The following KPNA1 variants were observed in gnomAD, a reference collection of about 807,000 sequenced individuals.
The protein encoded by KPNA1 is importin subunit alpha-5.
A neutral mutation model predicts 70.5 loss-of-function variants in KPNA1; 10 were observed. The observed-to-expected ratio is 0.14, with a 90% CI of 0.09 to 0.24. The LOEUF is 0.24. Among genes scored for constraint, KPNA1 ranks in the 10% least tolerant of loss-of-function variants. KPNA1 has a pLI of 1.00. For missense variants in KPNA1, 397 were observed against 637.9 expected (o/e 0.62, Z 4.07); for synonymous variants, 192 against 221.9 (o/e 0.87, Z 1.20).
chr3:122,477,293 G>C (rs1384171136), intron 2 of KPNA1, among the ~76,000 whole-genome samples: 1 of 152,194 alleles, frequency 6.6e-6, no homozygotes, highest in Non-Finnish European at 1.5e-5. Flanking sequence ...AGGCTGGAGA[G>C]ATGTTGGTGA....
At chr3:122,452,774 GGA>G (rs2076223653) in intron 6 of KPNA1, among the ~76,000 whole-genome samples, 1 of 151,240 alleles carries the variant, frequency 6.6e-6, no homozygotes, top group Non-Finnish European at 1.5e-5. Context: ...ACGGAGAGAA[GGA>G]GAGATGGAGA....
At chr3:122,454,038 A>T in intron 5 of KPNA1, 37 bp from the exon 6 acceptor site, 2 of 1,440,206 alleles carry the variant, frequency 1.4e-6, no homozygotes, top group Admixed American at 4.5e-5. Flanking sequence ...ATCTTTTTAG[A>T]ATGTAAAAGT....
chr3:122,506,118 T>C (rs1369176779), intron 1 of KPNA1, among the ~76,000 whole-genome samples: 4 of 100,976 alleles, frequency 4.0e-5, no homozygotes, highest in African/African-American at 1.2e-4. Context: ...ATTTTTATTA[T>C]ATTCAAGATG....
chr3:122,479,840 A>T (rs1377074407), intron 2 of KPNA1, among the ~76,000 whole-genome samples: 3 of 152,170 alleles, frequency 2.0e-5, no homozygotes, highest in South Asian at 2.1e-4. Flanking sequence ...CTGAAAGCTT[A>T]TATCTATACA....
At chr3:122,482,286 TA>T in intron 2 of KPNA1, among the ~76,000 whole-genome samples, 1 of 152,292 alleles carries the variant, frequency 6.6e-6, no homozygotes, top group East Asian at 1.9e-4. Context: ...AAAGGTACAG[TA>T]AAAATATGGT....
chr3:122,461,265 A>G lies in KPNA1; in HGVS notation c.391T>C (p.Phe131Leu), dbSNP rs1345837457. The G allele has an allele frequency of 5.0e-6, 8 of 1,613,452 alleles. No homozygotes were observed. The highest frequency in any genetic ancestry group is 6.8e-6 in the Non-Finnish European group (8 of 1,179,706). Residue 131 changes from phenylalanine to leucine, a missense_variant, in exon 5 of 14, where the codon TTT becomes CTT. Transcript: ENST00000344337. ...TCTTTTCGTTTGAGGAACTCCACAA[A>G]CCTGGCCACTACTCCTGGTGTGCTG... ...VISTPGVVAR[F>L]VEFLKRKENC...
chr3:122,503,801 C>T (rs2076857400), intron 1 of KPNA1, among the ~76,000 whole-genome samples: 1 of 152,098 alleles, frequency 6.6e-6, no homozygotes. Flanking sequence ...GTGTGTATTA[C>T]CCCTTTCCAA....
chr3:122,478,398 G>A (rs1576325297), intron 2 of KPNA1, among the ~76,000 whole-genome samples: 2 of 151,948 alleles, frequency 1.3e-5, no homozygotes, highest in African/African-American at 4.8e-5. Flanking sequence ...GAGGTGGGTG[G>A]ATCACCTGAG....
chr3:122,434,907 T>G (rs986113629), intron 11 of KPNA1, among the ~76,000 whole-genome samples: 2 of 152,182 alleles, frequency 1.3e-5, no homozygotes, highest in African/African-American at 4.8e-5. Context: ...TGCTATAGAT[T>G]GTTATAGCTA....
intron 2 of KPNA1, among the ~76,000 whole-genome samples, chr3:122,491,831 G>T (rs2076701829): frequency 1.4e-5 from 2 of 143,178 alleles, no homozygotes; most frequent in Admixed American, 1.4e-4. Flanking sequence ...AGCATGCAAA[G>T]CAATGCTTTG....
Position 122,438,847 on chromosome 3 carries a change from T to TAAAAATAAAGAAATTATAGGG in KPNA1, c.997-1573_997-1553dup, listed in dbSNP as rs1170542812. On this transcript the variant is annotated intron_variant, in intron 10 of 13. Transcript: ENST00000344337. ...TGGTAAAAGACTGTATGTATGAGCA[T>TAAAAATAAAGAAATTATAGGG]AAAAATAAAGAAATTATAGGGGAAA... Among the ~76,000 whole-genome samples the TAAAAATAAAGAAATTATAGGG allele has an allele frequency of 2.6e-5, 4 of 152,202 alleles. No individual in the cohort carries two copies. In the South Asian group the frequency reaches 6.2e-4, roughly 24 times the overall value.
rs538731826 is a variant in KPNA1 at position 122,496,551 on chromosome 3, T to C, written c.15A>G (p.Gly5=). 6.2e-7 allele frequency: 1 copy of C among 1,613,908 alleles called. No individual in the cohort carries two copies. Among genetic ancestry groups the C allele is most frequent in the African/African-American group, 1.3e-5 (1 of 75,050 alleles). MTTP[G]KENFRLKSYK... The stretch of plus-strand genomic sequence containing the variant: ...AACTTTTCAGGCGAAAGTTCTCTTT[T>C]CCTGGGGTGGTCATGATTTCTACAA... The change falls in exon 2 of 14, where the codon GGA becomes GGG. Residue 5 remains glycine (G), a synonymous_variant. Coordinates refer to ENST00000344337, the MANE Select transcript of KPNA1 (RefSeq NM_002264.4).
chr3:122,457,861 T>C, intron 5 of KPNA1: 1 of 1,288,170 alleles, frequency 7.8e-7, no homozygotes, highest in Non-Finnish European at 1.0e-6. Context: ...GGAGAGCAAG[T>C]GAAAAGAAAG....
chr3:122,437,055 C>T, intron 11 of KPNA1, 115 bp downstream of exon 11: 1 of 1,009,918 alleles, frequency 9.9e-7, no homozygotes, highest in South Asian at 1.6e-5. Flanking sequence ...GCTGGGATTA[C>T]AGGCAGGAGC....
chr3:122,456,068 A>ATGTGAC (rs2076261832), intron 5 of KPNA1, among the ~76,000 whole-genome samples: 1 of 152,238 alleles, frequency 6.6e-6, no homozygotes, highest in African/African-American at 2.4e-5. Flanking sequence ...GCCCAGTCAT[A>ATGTGAC]GTTTCCTGAA....
At chr3:122,449,449 A>C (rs544935567) in intron 9 of KPNA1, 125 bp downstream of exon 9, 2 of 794,606 alleles carry the variant, frequency 2.5e-6, no homozygotes, top group East Asian at 5.8e-5. Flanking sequence ...ACAAGTAACA[A>C]AAACAGTAGC....
At chr3:122,470,426 G>A (rs1490894891) in intron 2 of KPNA1, among the ~76,000 whole-genome samples, 2 of 151,494 alleles carry the variant, frequency 1.3e-5, no homozygotes, top group Admixed American at 1.3e-4. Flanking sequence ...GCAGGAGAAT[G>A]GCGTGAACCC....
intron 5 of KPNA1, among the ~76,000 whole-genome samples, chr3:122,455,803 A>T (rs906340714): frequency 2.6e-5 from 4 of 152,004 alleles, no homozygotes; most frequent in African/African-American, 9.7e-5. Context: ...TCATCCTCCC[A>T]TCTAGGCCTC....
intron 10 of KPNA1, among the ~76,000 whole-genome samples, chr3:122,438,088 C>T (rs2076012859): frequency 6.6e-6 from 1 of 152,058 alleles, no homozygotes; most frequent in Non-Finnish European, 1.5e-5. Flanking sequence ...AATTGTAATC[C>T]CCAAGGTTGG....
Sources: allele counts gnomAD v4.1 joint callset (sites outside exome capture counted in the v4.1 genomes callset), GRCh38; gene constraint gnomAD v4.1.1; transcripts MANE v1.5; gene names NCBI Gene and HGNC (gene_info 2026-07-23, HGNC 2026-07-21).